The following MALAT1 variants were observed in gnomAD, a reference collection of about 807,000 sequenced individuals.
MALAT1 encodes hepcarcin.
At chr11:65,503,640 A>T (rs752338808) in exon 3 of MALAT1, 1 of 511,918 alleles carries the variant, frequency 2.0e-6, no homozygotes, top group Non-Finnish European at 3.9e-6. Flanking sequence ...ATACTTTTAG[A>T]AAGCTGTCTC....
intron 1 of MALAT1, chr11:65,497,873 C>T (rs750816024): frequency 1.4e-5 from 7 of 518,400 alleles, no homozygotes; most frequent in African/African-American, 3.8e-5. Context: ...AAGGCAGGTC[C>T]CCTCTGACGC....
exon 3 of MALAT1, chr11:65,499,005 G>C (rs745730596): frequency 1.9e-6 from 1 of 518,856 alleles, no homozygotes; most frequent in East Asian, 5.4e-5. Flanking sequence ...GATGCGAGTT[G>C]TTCTCCGTCT....
chr11:65,505,345 C>T (rs769986896), intron 3 of MALAT1: 1 of 518,648 alleles, frequency 1.9e-6, no homozygotes, highest in African/African-American at 1.9e-5. Flanking sequence ...CTCCCTCTTT[C>T]TGGAGTGAAG....
intron 2 of MALAT1, chr11:65,498,960 C>T (rs745771485): frequency 4.4e-5 from 23 of 518,542 alleles, no homozygotes; most frequent in African/African-American, 3.5e-4. Flanking sequence ...TTTTGCCTCC[C>T]TCACAAAGGC....
chr11:65,500,982 A>G (rs1854533007), exon 3 of MALAT1: 1 of 513,260 alleles, frequency 1.9e-6, no homozygotes, highest in Non-Finnish European at 3.9e-6. Flanking sequence ...CAAGTCCTGG[A>G]GAAATAGTAG....
exon 3 of MALAT1, chr11:65,499,927 T>C (rs746124346): frequency 1.3e-4 from 56 of 436,674 alleles, no homozygotes; most frequent in Non-Finnish European, 2.0e-4. Context: ...AAGACAAGTA[T>C]TGGAGAAGTA....
chr11:65,500,666 G>C (rs754547118), exon 3 of MALAT1: 14 of 518,866 alleles, frequency 2.7e-5, no homozygotes, highest in Admixed American at 2.3e-4. Context: ...AGGCGGCTTG[G>C]CTTGGCAACC....
At chr11:65,504,043 C>G in intron 3 of MALAT1, 1 of 518,140 alleles carries the variant, frequency 1.9e-6, no homozygotes, top group Non-Finnish European at 3.9e-6. Flanking sequence ...TGCTTACAAT[C>G]TTAGAGTGGT....
exon 3 of MALAT1, chr11:65,502,409 C>T (rs886072505): frequency 7.9e-6 from 4 of 505,034 alleles, no homozygotes; most frequent in East Asian, 5.5e-5. Context: ...ATTCTATTTT[C>T]AGTTGTGTGT....
At chr11:65,500,836 A>G in exon 3 of MALAT1, 1 of 518,832 alleles carries the variant, frequency 1.9e-6, no homozygotes, top group South Asian at 1.4e-5. Flanking sequence ...TTTATTTTCT[A>G]ATATAATGGG....
exon 3 of MALAT1, chr11:65,502,290 G>A (rs1178744396): frequency 3.9e-6 from 2 of 517,290 alleles, no homozygotes; most frequent in African/African-American, 3.9e-5. Flanking sequence ...TTTTTTTCAG[G>A]TGATTTAATA....
At chr11:65,497,976 G>A (rs374643785) in intron 1 of MALAT1, 52 of 518,962 alleles carry the variant, frequency 1.0e-4, no homozygotes, top group African/African-American at 8.5e-4. Flanking sequence ...ATTCCAGGTG[G>A]TGGTATTTAG....
chr11:65,501,577 C>G, exon 3 of MALAT1: 1 of 518,158 alleles, frequency 1.9e-6, no homozygotes. Flanking sequence ...ATGTTTTTTT[C>G]TAAGATTTTC....
chr11:65,505,646 C>G (rs1261255045), intron 3 of MALAT1: 2 of 518,982 alleles, frequency 3.9e-6, no homozygotes, highest in Non-Finnish European at 7.7e-6. Context: ...TGGGCATGAT[C>G]CATAATCGGT....
chr11:65,503,305 G>A (rs1245879413), exon 3 of MALAT1: 1 of 518,308 alleles, frequency 1.9e-6, no homozygotes, highest in South Asian at 1.4e-5. Context: ...CTTCCCTAGG[G>A]GATTTCAGGA....
exon 3 of MALAT1, chr11:65,500,357 T>A (rs772110382): frequency 1.9e-5 from 10 of 518,692 alleles, no homozygotes; most frequent in South Asian, 1.4e-4. Context: ...TAAGATTATT[T>A]TTTAAATCCT....
exon 3 of MALAT1, chr11:65,499,170 A>G (rs777893436): frequency 9.8e-6 from 5 of 510,090 alleles, no homozygotes; most frequent in Non-Finnish European, 3.9e-6. Flanking sequence ...AATATAGTCA[A>G]TAGGTTACTA....
exon 3 of MALAT1, chr11:65,503,873 C>T (rs761622212): frequency 3.9e-6 from 2 of 518,052 alleles, no homozygotes; most frequent in Admixed American, 1.9e-5. Flanking sequence ...AATAGAGGCC[C>T]TCTAAATAAG....
chr11:65,497,922 G>C, intron 1 of MALAT1: 1 of 518,836 alleles, frequency 1.9e-6, no homozygotes, highest in South Asian at 1.4e-5. Context: ...TTGGGACGCA[G>C]CGACGAGTTG....
Sources: allele counts gnomAD v4.1 joint callset, GRCh38; gene constraint gnomAD v4.1.1; transcripts MANE v1.5; gene names NCBI Gene and HGNC (gene_info 2026-07-23, HGNC 2026-07-21).